The following DPP10 variants were observed in gnomAD, a reference collection of about 807,000 sequenced individuals.
DPP10 encodes dipeptidyl peptidase like 10.
A neutral mutation model predicts 120.9 loss-of-function variants in DPP10; 33 were observed. The ratio of observed to expected loss-of-function variants is 0.27; its 90% CI spans 0.21 to 0.37. DPP10 has a LOEUF of 0.37. DPP10 is among the 10% of genes least tolerant of loss of function. DPP10 has a pLI of 1.00. For synonymous variants in DPP10, 337 were observed against 326.1 expected (o/e 1.03, Z -0.36); for missense variants, 816 against 942.8 (o/e 0.87, Z 1.76).
intron 1 of DPP10, among the ~76,000 whole-genome samples, chr2:114,739,398 C>A (rs961563633): frequency 2.0e-5 from 3 of 152,128 alleles, no homozygotes; most frequent in African/African-American, 4.8e-5. Flanking sequence ...GTGGCTCACA[C>A]CTGTAATCCC....
chr2:114,613,016 C>G (rs1360501506), intron 1 of DPP10, among the ~76,000 whole-genome samples: 1 of 152,042 alleles, frequency 6.6e-6, no homozygotes, highest in Non-Finnish European at 1.5e-5. Flanking sequence ...TATCTAATCA[C>G]TAAAATTATT....
intron 5 of DPP10, among the ~76,000 whole-genome samples, chr2:115,671,815 A>G (rs2089898839): frequency 6.6e-6 from 1 of 152,134 alleles, no homozygotes; most frequent in African/African-American, 2.4e-5. Context: ...TTTATTCAGC[A>G]TTTCTAGAGA....
chr2:115,714,090 T>G (rs941066255), intron 7 of DPP10, among the ~76,000 whole-genome samples: 12 of 152,186 alleles, frequency 7.9e-5, no homozygotes, highest in Non-Finnish European at 1.6e-4. Flanking sequence ...ATTCTAATGT[T>G]AAAGTATCAC....
intron 3 of DPP10, among the ~76,000 whole-genome samples, chr2:115,441,602 T>C (rs1052696339): frequency 3.9e-5 from 6 of 152,192 alleles, no homozygotes; most frequent in Non-Finnish European, 7.3e-5. Flanking sequence ...CAATGTTTAA[T>C]ACGGTAGCCA....
At chr2:114,706,448 C>T (rs976999869) in intron 1 of DPP10, among the ~76,000 whole-genome samples, 1 of 152,170 alleles carries the variant, frequency 6.6e-6, no homozygotes. Flanking sequence ...AGAATATATT[C>T]CATGCCTCTA....
chr2:114,805,949 A>G (rs1243823469), intron 1 of DPP10, among the ~76,000 whole-genome samples: 2 of 152,172 alleles, frequency 1.3e-5, no homozygotes, highest in Non-Finnish European at 2.9e-5. Flanking sequence ...CTTTTGGTGG[A>G]CACAACAATC....
chr2:115,234,758 A>G (rs1339796414), intron 1 of DPP10: 1 of 152,198 alleles, frequency 6.6e-6, no homozygotes, highest in Non-Finnish European at 1.5e-5. Flanking sequence ...TCATTCCTGC[A>G]GAGTAATCAC....
At chr2:115,770,797 C>A (rs1029245739) in intron 13 of DPP10, among the ~76,000 whole-genome samples, 1 of 151,948 alleles carries the variant, frequency 6.6e-6, no homozygotes, top group African/African-American at 2.4e-5. Context: ...ATAAAAATCA[C>A]CCACAATATC....
intron 5 of DPP10, among the ~76,000 whole-genome samples, chr2:115,621,938 A>G (rs2084979019): frequency 6.6e-6 from 1 of 152,156 alleles, no homozygotes; most frequent in South Asian, 2.1e-4. Flanking sequence ...TCAGCCTCCT[A>G]AAGTGCTGGG....
chr2:115,545,593 G>A (rs1427423065), intron 5 of DPP10, among the ~76,000 whole-genome samples: 2 of 152,152 alleles, frequency 1.3e-5, no homozygotes, highest in Non-Finnish European at 2.9e-5. Flanking sequence ...GAGAGACTTG[G>A]TGTGGTAGGA....
intron 5 of DPP10, among the ~76,000 whole-genome samples, chr2:115,532,714 G>A (rs1207025268): frequency 6.6e-6 from 1 of 151,744 alleles, no homozygotes; most frequent in East Asian, 1.9e-4. Flanking sequence ...GAAGATGAAA[G>A]CATTCCAAAG....
At chr2:114,895,095 A>G (rs972666728) in intron 1 of DPP10, among the ~76,000 whole-genome samples, 17 of 152,210 alleles carry the variant, frequency 1.1e-4, no homozygotes, top group African/African-American at 3.6e-4. Context: ...CAAGTAGTTC[A>G]TAATTGTCAA....
chr2:114,914,437 A>T (rs1401259106), intron 1 of DPP10, among the ~76,000 whole-genome samples: 1 of 152,160 alleles, frequency 6.6e-6, no homozygotes, highest in Non-Finnish European at 1.5e-5. Flanking sequence ...CCAAACAAGA[A>T]TTTTTTTATT....
At chr2:115,447,540 G>T (rs1396791497) in intron 3 of DPP10, among the ~76,000 whole-genome samples, 4 of 152,168 alleles carry the variant, frequency 2.6e-5, no homozygotes, top group South Asian at 2.1e-4. Flanking sequence ...TGTGTCAAGG[G>T]AGGGACCTGG....
At chr2:115,168,297 A>T (rs2105033875) in intron 1 of DPP10, among the ~76,000 whole-genome samples, 1 of 152,322 alleles carries the variant, frequency 6.6e-6, no homozygotes, top group East Asian at 1.9e-4. Context: ...TATGACTAAC[A>T]TTAGAATGGG....
At position 115,019,082 on chromosome 2, in the gene DPP10, G is replaced by A. The variant is rs373077115; in HGVS notation, c.61-290157G>A. ...CCTCCCCCACCATTCTCGCACCCCC[G>A]CCCCTGCCACTCAGCTTCACCGACA... On this transcript the variant is annotated intron_variant, in intron 1 of 25. Transcript: ENST00000410059. Among the ~76,000 whole-genome samples, 143 of 121,082 alleles carry A rather than the reference G, an allele frequency of 1.2e-3. 3 individuals are homozygous for A. The East Asian group carries it at 0.034, about 29-fold the overall frequency. The allele number at this position is 121,082 out of a possible 152,430, so 79.4% of individuals were successfully genotyped here. A position where few individuals can be genotyped will look rare whatever the true frequency, so the allele number is the denominator to read the frequency against.
chr2:114,452,555 C>A (rs1052070967), intron 1 of DPP10, among the ~76,000 whole-genome samples: 1 of 152,088 alleles, frequency 6.6e-6, no homozygotes, highest in Admixed American at 6.6e-5. Flanking sequence ...GAGCATTGTC[C>A]ATTCGCTCCT....
chr2:115,045,004 T>G lies in DPP10; in HGVS notation c.61-264235T>G, dbSNP rs139707062. Among the ~76,000 whole-genome samples, 77 of 152,322 alleles carry G rather than the reference T, an allele frequency of 5.1e-4. No homozygotes were observed. The East Asian group carries it at 0.013, about 26-fold the overall frequency. ...CATTGTGTACTGTACCAGATTTTCTTTATCCATTCATCTGTTGATGGATAC... is the reference window on the plus strand; with the variant it reads ...CATTGTGTACTGTACCAGATTTTCTGTATCCATTCATCTGTTGATGGATAC... On this transcript the variant is annotated intron_variant, in intron 1 of 25. Coordinates refer to ENST00000410059, the MANE Select transcript of DPP10 (RefSeq NM_020868.6).
chr2:115,571,867 G>A (rs796475337), intron 5 of DPP10, among the ~76,000 whole-genome samples: 5 of 151,818 alleles, frequency 3.3e-5, no homozygotes, highest in African/African-American at 1.2e-4. Flanking sequence ...GTGTGTGTGT[G>A]TTTTATGAAG....
Sources: gnomAD v4.1 joint callset for allele counts (sites outside exome capture counted in the v4.1 genomes callset) on GRCh38, gnomAD v4.1.1 for gene constraint, MANE v1.5 for transcripts, NCBI Gene and HGNC (gene_info 2026-07-23, HGNC 2026-07-21) for gene names.